CACNA2D3: variants seen among roughly 807,000 people sequenced by gnomAD.
CACNA2D3 encodes the protein voltage-dependent calcium channel subunit alpha-2/delta-3.
In CACNA2D3, 60 loss-of-function variants were observed where a neutral mutation model predicts 160.6. The ratio of observed to expected loss-of-function variants is 0.37; its 90% confidence interval spans 0.30 to 0.46. CACNA2D3 has a LOEUF of 0.46. CACNA2D3 is among the 20% of genes least tolerant of loss of function. The pLI, the probability that CACNA2D3 is intolerant of heterozygous loss-of-function variation, is 1.00. For missense variants in CACNA2D3, 1,205 were observed against 1,365.0 expected, an observed-to-expected ratio of 0.88 and a Z score of 1.85; for synonymous variants, 558 against 492.9, an observed-to-expected ratio of 1.13 and a Z score of -1.75.
chr3:54,847,615 A>G (rs1242924492), intron 17 of CACNA2D3, among the ~76,000 whole-genome samples: 1 of 152,228 alleles, frequency 6.6e-6, no homozygotes, highest in Non-Finnish European at 1.5e-5. Context: ...TGGATGCCAT[A>G]TGCATGCTTT....
intron 3 of CACNA2D3, among the ~76,000 whole-genome samples, chr3:54,348,496 A>G (rs1044738414): frequency 6.6e-6 from 1 of 152,374 alleles, no homozygotes; most frequent in Admixed American, 6.5e-5. Context: ...TAGAAAATGC[A>G]TGATACTATG....
rs1491160047 is a variant in CACNA2D3, at chr3:54,822,790, C to CTTTCTTTCTTTCTTTCTTT, written c.1398+5920_1398+5921insTTTCTTTCTTTCTTTCTTT. On this transcript the variant is annotated intron_variant, in intron 14 of 37. Coordinates refer to ENST00000474759, the MANE Select transcript of CACNA2D3 (RefSeq NM_018398.3). ...TCTTTCTTTCTTTCTTTCTTTCTTT[C>CTTTCTTTCTTTCTTTCTTT]CTTTCTTTCTTTCTTTCTTTCTTTC... Among the ~76,000 whole-genome samples, 7 of 71,958 alleles carry CTTTCTTTCTTTCTTTCTTT rather than the reference C, an allele frequency of 9.7e-5. No homozygotes were observed. In the East Asian group the frequency reaches 1.9e-3, roughly 19 times the overall value. 47.2% of individuals were successfully genotyped at this position (71,958 alleles called of 152,430 possible). A position where few individuals can be genotyped will look rare whatever the true frequency, so the allele number is the denominator to read the frequency against.
intron 2 of CACNA2D3, among the ~76,000 whole-genome samples, chr3:54,295,522 C>A (rs1288758912): frequency 1.3e-5 from 2 of 152,168 alleles, no homozygotes; most frequent in South Asian, 4.1e-4. Flanking sequence ...TTGGTTCAGT[C>A]TGGAAAGACG....
chr3:54,266,140 C>T (rs1033780257), intron 2 of CACNA2D3, among the ~76,000 whole-genome samples: 5 of 152,068 alleles, frequency 3.3e-5, no homozygotes, highest in Admixed American at 6.6e-5. Context: ...TGTTGCCAAA[C>T]CCAGAAAATG....
intron 17 of CACNA2D3, among the ~76,000 whole-genome samples, chr3:54,860,426 G>A (rs1699266552): frequency 6.6e-6 from 1 of 152,138 alleles, no homozygotes; most frequent in Non-Finnish European, 1.5e-5. Flanking sequence ...TAACTGGGAG[G>A]GGCTGGGACT....
chr3:54,472,615 AT>A (rs1355664757), intron 4 of CACNA2D3, among the ~76,000 whole-genome samples: 1 of 152,246 alleles, frequency 6.6e-6, no homozygotes, highest in East Asian at 1.9e-4. Flanking sequence ...TGCAGATGAC[AT>A]GATTGTATAT....
chr3:54,721,590 G>T (rs568992245), intron 11 of CACNA2D3, among the ~76,000 whole-genome samples: 61 of 151,798 alleles, frequency 4.0e-4, no homozygotes, highest in African/African-American at 1.5e-3. Context: ...GTGAAACCCC[G>T]TCTCTACTAA....
chr3:54,553,153 C>G (rs538215561), intron 5 of CACNA2D3, among the ~76,000 whole-genome samples: 38 of 152,292 alleles, frequency 2.5e-4, no homozygotes, highest in African/African-American at 9.1e-4. Flanking sequence ...TAGCATATCA[C>G]TAAGTTTAGA....
intron 2 of CACNA2D3, among the ~76,000 whole-genome samples, chr3:54,284,885 A>G: frequency 6.6e-6 from 1 of 152,254 alleles, no homozygotes; most frequent in East Asian, 1.9e-4. Flanking sequence ...TGTCCAATGT[A>G]TTTGACATTA....
At position 54,338,467 on chromosome 3, in the gene CACNA2D3, CTGTGTGTGTGTGTGTGTGTG is replaced by C. The variant is rs71074965; in HGVS notation, c.321+17935_321+17954del. 1.1e-3 allele frequency among the ~76,000 whole-genome samples: 153 copies of C among 136,530 alleles called. 1 individual carries two copies. The highest frequency in any genetic ancestry group is 3.9e-3 in the African/African-American group (140 of 35,930). 89.6% of individuals were successfully genotyped at this position (136,530 alleles called of 152,430 possible). On this transcript the variant is annotated intron_variant, in intron 3 of 37. Transcript: ENST00000474759. ...TTATAGCTCTCTTCATCTCCCCTCC[CTGTGTGTGTGTGTGTGTGTG>C]TGTGTGTGTGTGTGTGTGTGTGTGT... is the stretch of plus-strand genomic sequence containing the variant.
At chr3:54,142,006 G>T (rs1576954387) in intron 2 of CACNA2D3, among the ~76,000 whole-genome samples, 1 of 152,236 alleles carries the variant, frequency 6.6e-6, no homozygotes, top group Non-Finnish European at 1.5e-5. Flanking sequence ...TCTCCTTGCA[G>T]TTCCATGAAG....
At chr3:55,045,892 ATAT>A (rs1290683680) in intron 35 of CACNA2D3, among the ~76,000 whole-genome samples, 1 of 151,420 alleles carries the variant, frequency 6.6e-6, no homozygotes, top group Admixed American at 6.6e-5. Flanking sequence ...CTCAATTCTA[ATAT>A]TCTCTTCTTC....
intron 27 of CACNA2D3, among the ~76,000 whole-genome samples, chr3:54,964,569 C>G (rs1215349460): frequency 1.3e-5 from 2 of 152,128 alleles, no homozygotes; most frequent in East Asian, 3.9e-4. Context: ...ACAAATGTCT[C>G]AGGTTCCATT....
At chr3:54,436,483 G>A (rs559839326) in intron 4 of CACNA2D3, among the ~76,000 whole-genome samples, 179 of 152,310 alleles carry the variant, frequency 1.2e-3, no homozygotes, top group African/African-American at 4.1e-3. Context: ...GCACACATAT[G>A]TTTATTGCAG....
chr3:54,301,629 C>T (rs1703478455), intron 2 of CACNA2D3, among the ~76,000 whole-genome samples: 1 of 152,038 alleles, frequency 6.6e-6, no homozygotes, highest in South Asian at 2.1e-4. Context: ...TGTAGTTATC[C>T]TACCTATTGA....
chr3:54,449,507 G>T (rs1244195124), intron 4 of CACNA2D3, among the ~76,000 whole-genome samples: 1 of 152,126 alleles, frequency 6.6e-6, no homozygotes, highest in Non-Finnish European at 1.5e-5. Flanking sequence ...TCTGTGATAT[G>T]GTTTGGATCT....
At chr3:54,400,849 A>G (rs946715166) in intron 4 of CACNA2D3, among the ~76,000 whole-genome samples, 3 of 152,182 alleles carry the variant, frequency 2.0e-5, no homozygotes, top group African/African-American at 7.2e-5. Context: ...AAAGCAAGGA[A>G]ACAGGACATT....
At chr3:54,621,240 ATGATTGCTG>A (rs1186012687) in intron 9 of CACNA2D3, among the ~76,000 whole-genome samples, 5 of 152,244 alleles carry the variant, frequency 3.3e-5, no homozygotes, top group Non-Finnish European at 7.3e-5. Context: ...GAAAAAAAAC[ATGATTGCTG>A]TGATCACAGA....
In CACNA2D3 at chr3:55,041,546, A is replaced by C. The variant is rs538519513; in HGVS notation, c.2987+23229A>C. On this transcript the variant is annotated intron_variant, in intron 35 of 37. Coordinates refer to ENST00000474759, the MANE Select transcript of CACNA2D3 (RefSeq NM_018398.3). ...GAGTGCAGTTGTTTTTACATGTGTT[A>C]GAAATAATTCTTTATAATGAAATGT... Among the ~76,000 whole-genome samples the C allele has an allele frequency of 2.4e-4, 37 of 152,310 alleles. No homozygotes were observed. The South Asian group carries it at 5.8e-3, about 24-fold the overall frequency.
Sources: gnomAD v4.1 joint callset for allele counts (sites outside exome capture counted in the v4.1 genomes callset) on GRCh38, gnomAD v4.1.1 for gene constraint, MANE v1.5 for transcripts, NCBI Gene and HGNC (gene_info 2026-07-23, HGNC 2026-07-21) for gene names.